Variants in BMPR1B observed in about 807,000 individuals in gnomAD.
BMPR1B encodes bone morphogenetic protein receptor type 1B.
A neutral mutation model predicts 59.1 loss-of-function variants in BMPR1B; 12 were observed. The observed-to-expected ratio is 0.20, with a 90% CI of 0.13 to 0.33. The LOEUF (loss-of-function observed/expected upper bound fraction) is 0.33, where lower values mean the gene tolerates loss of function less well. Ranked by LOEUF, BMPR1B falls within the 10% of genes least tolerant of loss-of-function variation. The pLI, the probability that BMPR1B is intolerant of heterozygous loss-of-function variation, is 1.00. For missense variants in BMPR1B, 550 were observed against 610.9 expected (o/e 0.90, Z 1.05); for synonymous variants, 237 against 207.3 (o/e 1.14, Z -1.23).
At chr4:95,007,404 T>C (rs1308043890) in intron 3 of BMPR1B, among the ~76,000 whole-genome samples, 1 of 152,204 alleles carries the variant, frequency 6.6e-6, no homozygotes, top group Non-Finnish European at 1.5e-5. Flanking sequence ...TTAGGAATTA[T>C]ATGAGACAGA....
rs530148397 is a variant in BMPR1B at position 95,116,811 on chromosome 4, C to A, written c.349+1024C>A. ...TGTGACAAATGTTTTAACATTTGTT[C>A]CTGTTCTAGCCTAGAAAGCTATACA... On this transcript the variant is annotated intron_variant, in intron 6 of 12. Transcript: ENST00000515059. 3.9e-5 allele frequency among the ~76,000 whole-genome samples: 6 copies of A among 152,078 alleles called. No homozygotes were observed. The East Asian group carries it at 1.2e-3, about 29-fold the overall frequency.
chr4:95,123,950 T>C (rs750136481), intron 7 of BMPR1B, 44 bp downstream of exon 7: 2 of 1,368,202 alleles, frequency 1.5e-6, no homozygotes, highest in Non-Finnish European at 2.1e-6. Context: ...ATTTATAGTG[T>C]CTTCTTTTTA....
chr4:94,981,771 C>T (rs1038802970), intron 2 of BMPR1B, among the ~76,000 whole-genome samples: 1 of 152,134 alleles, frequency 6.6e-6, no homozygotes, highest in African/African-American at 2.4e-5. Flanking sequence ...ATAAACGTAT[C>T]TAAATGTTTA....
intron 6 of BMPR1B, among the ~76,000 whole-genome samples, chr4:95,118,015 T>A (rs1442155478): frequency 6.6e-6 from 1 of 152,146 alleles, no homozygotes; most frequent in African/African-American, 2.4e-5. Context: ...CAGGAGTGGC[T>A]GGTGGACTCT....
At chr4:95,043,538 A>G (rs1402274597) in intron 3 of BMPR1B, among the ~76,000 whole-genome samples, 2 of 152,206 alleles carry the variant, frequency 1.3e-5, no homozygotes, top group African/African-American at 4.8e-5. Context: ...GGCCATGCAT[A>G]TAATTATTAT....
intron 3 of BMPR1B, among the ~76,000 whole-genome samples, chr4:95,001,594 A>T (rs1051505394): frequency 6.6e-6 from 1 of 152,206 alleles, no homozygotes; most frequent in Admixed American, 6.6e-5. Context: ...AGATTAGAAT[A>T]TAGAATATCT....
At chr4:94,856,602 C>T (rs1316986258) in intron 1 of BMPR1B, among the ~76,000 whole-genome samples, 3 of 152,228 alleles carry the variant, frequency 2.0e-5, no homozygotes, top group Non-Finnish European at 2.9e-5. Flanking sequence ...GAATGTATCA[C>T]AGTCACTGAG....
At chr4:94,892,851 G>T (rs1727451165) in intron 2 of BMPR1B, among the ~76,000 whole-genome samples, 1 of 152,064 alleles carries the variant, frequency 6.6e-6, no homozygotes, top group Non-Finnish European at 1.5e-5. Flanking sequence ...AATGCATTTT[G>T]TCAATGGTAT....
chr4:94,936,722 G>A (rs1002734763), intron 2 of BMPR1B, among the ~76,000 whole-genome samples: 3 of 152,046 alleles, frequency 2.0e-5, no homozygotes, highest in African/African-American at 7.2e-5. Flanking sequence ...GAATGGGTTT[G>A]CCTTTCAGTA....
At chr4:94,847,705 G>A (rs1578715608) in intron 1 of BMPR1B, among the ~76,000 whole-genome samples, 1 of 152,050 alleles carries the variant, frequency 6.6e-6, no homozygotes, top group East Asian at 1.9e-4. Flanking sequence ...AACTTTGCAT[G>A]TTCTTGTTCA....
intron 2 of BMPR1B, among the ~76,000 whole-genome samples, chr4:94,922,528 T>C (rs925982416): frequency 6.6e-6 from 1 of 152,208 alleles, no homozygotes; most frequent in African/African-American, 2.4e-5. Flanking sequence ...AGCACTATTA[T>C]TTTTGTTCTT....
Position 95,067,340 on chromosome 4 carries a change from T to C in BMPR1B, c.-17-37068T>C, listed in dbSNP as rs559698726. Among the ~76,000 whole-genome samples, 5 of 152,318 alleles carry C rather than the reference T, an allele frequency of 3.3e-5. No individual in the cohort carries two copies. The South Asian group carries it at 1.0e-3, about 32-fold the overall frequency. On this transcript the variant is annotated intron_variant, in intron 3 of 12. Coordinates refer to ENST00000515059, the MANE Select transcript of BMPR1B (RefSeq NM_001203.3). The stretch of plus-strand genomic sequence containing the variant: ...TGTTTTGCATTTTAAATGTTTTCAT[T>C]TTTCCTCTTAATCTTGTTATTTATC...
chr4:94,850,783 G>A (rs777616250), intron 1 of BMPR1B, among the ~76,000 whole-genome samples: 2 of 151,952 alleles, frequency 1.3e-5, no homozygotes, highest in Non-Finnish European at 2.9e-5. Context: ...CATTTTCTTC[G>A]AAACTTACTC....
intron 3 of BMPR1B, among the ~76,000 whole-genome samples, chr4:95,033,848 C>T (rs1164815693): frequency 1.3e-5 from 2 of 152,094 alleles, no homozygotes; most frequent in East Asian, 3.9e-4. Flanking sequence ...GACAGTCACT[C>T]CCTCCCACCC....
At chr4:94,977,663 C>A (rs925725024) in intron 2 of BMPR1B, among the ~76,000 whole-genome samples, 52 of 152,056 alleles carry the variant, frequency 3.4e-4, no homozygotes, top group Non-Finnish European at 1.5e-4. Context: ...TTGAGACCAG[C>A]CTGGCCAACA....
rs148750619 is a variant in BMPR1B at position 94,948,174 on chromosome 4, G to A, written c.-112-47866G>A. Among the ~76,000 whole-genome samples, 1,138 of 152,264 alleles carry A rather than the reference G, an allele frequency of 7.5e-3. 11 individuals carry two copies. The highest frequency in any genetic ancestry group is 8.1e-3 in the Non-Finnish European group (548 of 68,022). On this transcript the variant is annotated intron_variant, in intron 2 of 12. Coordinates refer to ENST00000515059, the MANE Select transcript of BMPR1B (RefSeq NM_001203.3). Reference sequence around the variant, plus strand: ...TGGTCATAGCTTAATTCACCATCGTGACAGGTACTTGCCTTTCTCTAACTT... The same window carrying A: ...TGGTCATAGCTTAATTCACCATCGTAACAGGTACTTGCCTTTCTCTAACTT...
intron 2 of BMPR1B, among the ~76,000 whole-genome samples, chr4:94,919,851 C>A (rs1728625497): frequency 6.6e-6 from 1 of 152,152 alleles, no homozygotes; most frequent in African/African-American, 2.4e-5. Flanking sequence ...TTAGGAGATT[C>A]TCCTAAATCA....
At chr4:94,762,474 C>T (rs1185716458) in intron 1 of BMPR1B, among the ~76,000 whole-genome samples, 1 of 152,122 alleles carries the variant, frequency 6.6e-6, no homozygotes, top group Admixed American at 6.5e-5. Flanking sequence ...GAAAGAACTT[C>T]CTATCAGAGG....
rs191131766 is a variant in BMPR1B at position 94,835,453 on chromosome 4, A to G, written c.-182-40378A>G. Among the ~76,000 whole-genome samples the G allele has an allele frequency of 2.6e-5, 4 of 152,164 alleles. No homozygotes were observed. The East Asian group carries it at 7.7e-4, about 29-fold the overall frequency. On this transcript the variant is annotated intron_variant, in intron 1 of 12. Transcript: ENST00000515059. ...TATATATGCTAGCATTTTGTCTGAA[A>G]TTTTCTTAAAGGAATCCATTTTTAA...
Sources: gnomAD v4.1 joint callset for allele counts (sites outside exome capture counted in the v4.1 genomes callset) on GRCh38, gnomAD v4.1.1 for gene constraint, MANE v1.5 for transcripts, NCBI Gene and HGNC (gene_info 2026-07-23, HGNC 2026-07-21) for gene names.